Variants in NCF2 observed in about 807,000 individuals in gnomAD.
The protein encoded by NCF2 is neutrophil cytosolic factor 2, also known as neutrophil cytosol factor 2.
A neutral mutation model predicts 70.9 loss-of-function variants in NCF2; 45 were observed. The observed-to-expected ratio is 0.63, with a 90% CI of 0.50 to 0.81. The LOEUF (loss-of-function observed/expected upper bound fraction) is 0.81. NCF2 is among the 40% of genes least tolerant of loss of function. NCF2 has a pLI of 0.00. For missense variants in NCF2, 522 were observed against 631.6 expected, an observed-to-expected ratio of 0.83 and a Z score of 1.86; for synonymous variants, 203 against 233.6, an observed-to-expected ratio of 0.87 and a Z score of 1.19.
intron 5 of NCF2, among the ~76,000 whole-genome samples, chr1:183,572,640 ATTTATT>A (rs1183124801): frequency 7.2e-5 from 11 of 152,146 alleles, no homozygotes; most frequent in African/African-American, 2.7e-4. Flanking sequence ...TTCTCTTCAT[ATTTATT>A]TTTATTTTTT....
intron 2 of NCF2, among the ~76,000 whole-genome samples, chr1:183,580,857 T>C (rs1673028405): frequency 6.6e-6 from 1 of 151,722 alleles, no homozygotes; most frequent in Admixed American, 6.6e-5. Flanking sequence ...TGCGTGCCTA[T>C]AGTTCCAGCT....
At chr1:183,586,193 G>T (rs1429973129) in intron 2 of NCF2, among the ~76,000 whole-genome samples, 1 of 152,186 alleles carries the variant, frequency 6.6e-6, no homozygotes, top group African/African-American at 2.4e-5. Flanking sequence ...AATTAGCTGG[G>T]TGTGGTGGCG....
At chr1:183,574,758 A>G in intron 3 of NCF2, 137 bp from the exon 4 acceptor site, 1 of 1,031,582 alleles carries the variant, frequency 9.7e-7, no homozygotes, top group South Asian at 1.3e-5. Flanking sequence ...AATATCTAAA[A>G]TATAGTGCAA....
At chr1:183,583,022 C>G (rs1673184211) in intron 2 of NCF2, among the ~76,000 whole-genome samples, 1 of 152,108 alleles carries the variant, frequency 6.6e-6, no homozygotes, top group Non-Finnish European at 1.5e-5. Context: ...CATTATCAGC[C>G]TTAAACAATT....
rs1425504069 is a variant in NCF2 at position 183,555,980 on chromosome 1, G to C, written c.*138C>G. 1 of 781,066 alleles carries C rather than the reference G, an allele frequency of 1.3e-6. No individual in the cohort carries two copies. The highest frequency in any genetic ancestry group is 1.7e-5 in the African/African-American group (1 of 58,208). 48.4% of individuals were successfully genotyped at this position (781,066 alleles called of 1,614,324 possible). A position where few individuals can be genotyped will look rare whatever the true frequency, so the allele number is the denominator to read the frequency against. On this transcript the variant is annotated 3_prime_UTR_variant, in exon 15 of 15. Transcript: ENST00000367535. ...GGGTACTCACATCATTGTCTAGTAG[G>C]TTAAATTTTAACAGGGAATAAATAG...
At chr1:183,561,868 G>C (rs1270210428) in intron 13 of NCF2, among the ~76,000 whole-genome samples, 2 of 129,172 alleles carry the variant, frequency 1.5e-5, no homozygotes, top group African/African-American at 6.1e-5. Flanking sequence ...TATGATATCA[G>C]CTCACTGTAA....
intron 14 of NCF2, 47 bp from the exon 15 acceptor site, chr1:183,556,277 A>C (rs1389257170): frequency 1.3e-6 from 2 of 1,516,958 alleles, no homozygotes; most frequent in Non-Finnish European, 1.8e-6. Context: ...CACTGTAGGA[A>C]GATTACCCTG....
chr1:183,562,078 T>A (rs1672087770), intron 13 of NCF2, among the ~76,000 whole-genome samples: 1 of 152,092 alleles, frequency 6.6e-6, no homozygotes, highest in Non-Finnish European at 1.5e-5. Flanking sequence ...AGTGAAAGCC[T>A]GCTTTGTTGC....
the NCF2 span, among the ~76,000 whole-genome samples, chr1:183,596,161 T>C: frequency 6.6e-6 from 1 of 151,698 alleles, no homozygotes; most frequent in South Asian, 2.1e-4. Flanking sequence ...GCCCATGATA[T>C]GGTGGATTTT....
At chr1:183,571,935 C>T (rs1016160003) in intron 5 of NCF2, among the ~76,000 whole-genome samples, 3 of 152,206 alleles carry the variant, frequency 2.0e-5, no homozygotes, top group African/African-American at 7.2e-5. Context: ...TACTCCATTC[C>T]TTTTTATGGC....
At chr1:183,589,011 C>T (rs775760143) in intron 1 of NCF2, among the ~76,000 whole-genome samples, 31 of 152,226 alleles carry the variant, frequency 2.0e-4, no homozygotes, top group Non-Finnish European at 3.7e-4. Context: ...CCTCAGCAGG[C>T]CCCTGAGAGG....
chr1:183,590,233 G>A lies in NCF2; in HGVS notation c.97C>T (p.Gln33Ter). 3 of 1,614,170 alleles carry A rather than the reference G, an allele frequency of 1.9e-6. No individual in the cohort carries two copies. The highest frequency in any genetic ancestry group is 2.5e-6 in the Non-Finnish European group (3 of 1,180,038). Residue 33 changes from glutamine to a stop codon, truncating the protein, a stop_gained, in exon 1 of 15, where the codon CAG (glutamine) becomes TAG (stop). Coordinates refer to ENST00000367535, the MANE Select transcript of NCF2 (RefSeq NM_000433.4). LOFTEE classifies it high-confidence loss of function. ...AAGCAAATCCGGGAGTGGGGGTCCTGGACGGCACTGAAGGCATCCAGGGCT... is the reference window on the plus strand; with the variant it reads ...AAGCAAATCCGGGAGTGGGGGTCCTAGACGGCACTGAAGGCATCCAGGGCT... ...KGALDAFSAVQDPHSRICFNI... is the reference protein window; with the variant it reads ...KGALDAFSAV
the NCF2 span, among the ~76,000 whole-genome samples, chr1:183,601,293 C>T: frequency 1.3e-5 from 2 of 152,172 alleles, no homozygotes; most frequent in Admixed American, 6.5e-5. Flanking sequence ...TTGTTTATGG[C>T]TGTGTAATTT....
chr1:183,588,458 G>A (rs35331687), intron 1 of NCF2, among the ~76,000 whole-genome samples: 1,904 of 138,430 alleles, frequency 0.014, 53 homozygotes, highest in African/African-American at 0.048. Flanking sequence ...CTGGGTGACA[G>A]AGTGAGACTC....
At chr1:183,600,649 G>A in the NCF2 span, among the ~76,000 whole-genome samples, 11 of 151,184 alleles carry the variant, frequency 7.3e-5, no homozygotes, top group Non-Finnish European at 1.2e-4. Flanking sequence ...AACTACCAAC[G>A]CAGACATGGC....
chr1:183,575,986 T>G (rs1672784629), intron 3 of NCF2, among the ~76,000 whole-genome samples: 1 of 152,240 alleles, frequency 6.6e-6, no homozygotes, highest in Admixed American at 6.5e-5. Flanking sequence ...TGACCTTGTG[T>G]GCAGAAAGAA....
chr1:183,580,729 C>A (rs922597634), intron 2 of NCF2, among the ~76,000 whole-genome samples: 1 of 152,130 alleles, frequency 6.6e-6, no homozygotes, highest in Non-Finnish European at 1.5e-5. Context: ...GTAATCCCAG[C>A]ATTTTGGGAG....
At chr1:183,599,437 T>TCTTTC in the NCF2 span, among the ~76,000 whole-genome samples, 5 of 96,740 alleles carry the variant, frequency 5.2e-5, no homozygotes, top group African/African-American at 1.8e-4. Context: ...TTTCTTTCTT[T>TCTTTC]CTTTCTTTCT....
the NCF2 span, among the ~76,000 whole-genome samples, chr1:183,599,429 T>TCTTTCTTTCTTTCTTTCTTTC: frequency 4.2e-4 from 36 of 85,906 alleles, no homozygotes; most frequent in African/African-American, 1.3e-3. Context: ...TTTCCTTCTT[T>TCTTTCTTTCTTTCTTTCTTTC]CTTTCTTTCT....
Sources: allele counts gnomAD v4.1 joint callset (sites outside exome capture counted in the v4.1 genomes callset), GRCh38; gene constraint gnomAD v4.1.1; transcripts MANE v1.5; gene names NCBI Gene and HGNC (gene_info 2026-07-23, HGNC 2026-07-21).